Variants in FOXP1 observed in about 807,000 individuals in gnomAD.
The protein encoded by FOXP1 is forkhead box P1.
Under a neutral mutation model 98.2 loss-of-function variants are expected in FOXP1, and 15 were observed. That is an observed-to-expected ratio of 0.15 (90% CI 0.10 to 0.24). FOXP1 has a LOEUF of 0.24. Ranked by LOEUF, FOXP1 falls within the 10% of genes least tolerant of loss-of-function variation. FOXP1 has a pLI of 1.00. For missense variants in FOXP1, 633 were observed against 848.5 expected, an observed-to-expected ratio of 0.75 and a Z score of 3.15; for synonymous variants, 371 against 314.5, an observed-to-expected ratio of 1.18 and a Z score of -1.90.
At chr3:70,981,191 C>CAAAAAAAA (rs71104406) in intron 14 of FOXP1, among the ~76,000 whole-genome samples, 17 of 59,962 alleles carry the variant, frequency 2.8e-4, no homozygotes, top group East Asian at 5.8e-4. Context: ...CTCTTTCTAC[C>CAAAAAAAA]AAAAAAAAAA....
intron 7 of FOXP1, among the ~76,000 whole-genome samples, chr3:71,068,508 A>G (rs149170759): frequency 1.3e-5 from 2 of 152,304 alleles, no homozygotes; most frequent in Middle Eastern, 6.8e-3. Context: ...AGTTCCAACG[A>G]AAGGCCTGCT....
intron 3 of FOXP1, among the ~76,000 whole-genome samples, chr3:71,401,426 G>C (rs557250533): frequency 1.3e-5 from 2 of 152,166 alleles, no homozygotes; most frequent in Non-Finnish European, 2.9e-5. Context: ...TGAAAAATTC[G>C]TGTTGTCCCC....
chr3:71,100,487 C>A (rs866671946), intron 7 of FOXP1, among the ~76,000 whole-genome samples: 5 of 152,130 alleles, frequency 3.3e-5, no homozygotes, highest in African/African-American at 9.7e-5. Flanking sequence ...CAGAAGAAAC[C>A]TTCTAGGGGG....
chr3:71,008,490 T>C (rs1451871966), intron 12 of FOXP1, among the ~76,000 whole-genome samples: 2 of 152,142 alleles, frequency 1.3e-5, no homozygotes, highest in Non-Finnish European at 2.9e-5. Context: ...AATGCAGGGC[T>C]GGACGATTTC....
At chr3:71,472,260 G>A (rs944757066) in intron 3 of FOXP1, among the ~76,000 whole-genome samples, 3 of 152,048 alleles carry the variant, frequency 2.0e-5, no homozygotes, top group African/African-American at 7.2e-5. Context: ...ATTTAACTGT[G>A]TTCCATCATT....
chr3:70,976,614 G>A (rs529833776), intron 17 of FOXP1, among the ~76,000 whole-genome samples: 21 of 152,220 alleles, frequency 1.4e-4, no homozygotes, highest in African/African-American at 4.1e-4. Context: ...AAGACCTAAC[G>A]GCATGAGGTT....
At chr3:71,521,274 G>A (rs1213425416) in intron 2 of FOXP1, among the ~76,000 whole-genome samples, 3 of 152,200 alleles carry the variant, frequency 2.0e-5, no homozygotes, top group Non-Finnish European at 2.9e-5. Context: ...GCTCAGGCCT[G>A]TAATCCCAGT....
chr3:71,418,665 T>G (rs2083398921), intron 3 of FOXP1, among the ~76,000 whole-genome samples: 1 of 152,192 alleles, frequency 6.6e-6, no homozygotes, highest in African/African-American at 2.4e-5. Context: ...TAAACACTAC[T>G]TAACTGTCAA....
At chr3:71,419,963 C>T (rs552998902) in intron 3 of FOXP1, among the ~76,000 whole-genome samples, 4 of 151,926 alleles carry the variant, frequency 2.6e-5, no homozygotes, top group South Asian at 2.1e-4. Flanking sequence ...TACAGGCGCC[C>T]GCCACCACAC....
At chr3:71,071,903 C>T (rs1030901267) in intron 7 of FOXP1, among the ~76,000 whole-genome samples, 6 of 152,126 alleles carry the variant, frequency 3.9e-5, no homozygotes, top group Admixed American at 6.5e-5. Context: ...ACAACAACAA[C>T]GACAACAACA....
At chr3:71,174,943 C>T (rs376715247) in intron 6 of FOXP1, among the ~76,000 whole-genome samples, 3 of 148,964 alleles carry the variant, frequency 2.0e-5, no homozygotes, top group South Asian at 2.1e-4. Context: ...GATGGAGTCT[C>T]GCTCTTGTTG....
intron 5 of FOXP1, among the ~76,000 whole-genome samples, chr3:71,269,701 T>C (rs2070140233): frequency 6.6e-6 from 1 of 152,218 alleles, no homozygotes; most frequent in South Asian, 2.1e-4. Flanking sequence ...TGGTGCAGTT[T>C]TGAGAAACAA....
At chr3:71,195,695 C>T (rs1410676791) in intron 6 of FOXP1, among the ~76,000 whole-genome samples, 2 of 152,142 alleles carry the variant, frequency 1.3e-5, no homozygotes, top group Non-Finnish European at 2.9e-5. Context: ...CAACTGTGGC[C>T]TGCAGTTATT....
chr3:71,325,768 C>G (rs2075654474), intron 4 of FOXP1, among the ~76,000 whole-genome samples: 1 of 152,084 alleles, frequency 6.6e-6, no homozygotes, highest in Admixed American at 6.6e-5. Context: ...CACTGCAGCA[C>G]TGAACTGCCA....
chr3:71,287,422 G>A (rs774749342), intron 5 of FOXP1, among the ~76,000 whole-genome samples: 5 of 152,086 alleles, frequency 3.3e-5, no homozygotes, highest in Non-Finnish European at 7.3e-5. Flanking sequence ...GCAGTCAGCC[G>A]AGACTGCACC....
At chr3:71,144,729 A>G (rs1282974432) in intron 6 of FOXP1, among the ~76,000 whole-genome samples, 1 of 152,066 alleles carries the variant, frequency 6.6e-6, no homozygotes, top group Non-Finnish European at 1.5e-5. Flanking sequence ...GGGGGTACAG[A>G]GTATGAGTCT....
At position 71,182,533 on chromosome 3, in the gene FOXP1, T is replaced by C. The variant is rs1010234781; in HGVS notation, c.180+15669A>G. 3.5e-3 allele frequency among the ~76,000 whole-genome samples: 388 copies of C among 110,056 alleles called. 6 individuals are homozygous for C. Among genetic ancestry groups the C allele is most frequent in the African/African-American group, 0.012 (355 of 28,542 alleles). 72.2% of individuals were successfully genotyped at this position (110,056 alleles called of 152,430 possible). A position where few individuals can be genotyped will look rare whatever the true frequency, so the allele number is the denominator to read the frequency against. ...GTGTGTGTGTGTGTGTGTGTGTGTG[T>C]ATATATGTATATATTCTTTTTTTTT... On this transcript the variant is annotated intron_variant, in intron 6 of 20. Transcript: ENST00000649528.
intron 6 of FOXP1, among the ~76,000 whole-genome samples, chr3:71,138,997 C>T (rs1266166627): frequency 6.6e-6 from 1 of 152,000 alleles, no homozygotes; most frequent in Admixed American, 6.6e-5. Context: ...ACTCTGAAAA[C>T]GGCATCCTGG....
chr3:71,138,881 C>T (rs2059937327), intron 6 of FOXP1, among the ~76,000 whole-genome samples: 2 of 151,440 alleles, frequency 1.3e-5, no homozygotes, highest in African/African-American at 4.9e-5. Context: ...CCCTCATTAA[C>T]AGTGGAAAAA....
Sources: allele counts gnomAD v4.1 joint callset (sites outside exome capture counted in the v4.1 genomes callset), GRCh38; gene constraint gnomAD v4.1.1; transcripts MANE v1.5; gene names NCBI Gene and HGNC (gene_info 2026-07-23, HGNC 2026-07-21).